The following SLC9A5 variants were observed in gnomAD, a reference collection of about 807,000 sequenced individuals.
SLC9A5 encodes solute carrier family 9 member A5.
Under a neutral mutation model 91.7 loss-of-function variants are expected in SLC9A5, and 52 were observed. The observed-to-expected ratio is 0.57, with a 90% CI of 0.45 to 0.71. The LOEUF is 0.71. SLC9A5 is among the 30% of genes least tolerant of loss of function. SLC9A5 has a pLI of 0.00. For synonymous variants in SLC9A5, 419 were observed against 474.5 expected (o/e 0.88, Z 1.52); for missense variants, 871 against 1,158.9 (o/e 0.75, Z 3.61).
In SLC9A5 at chr16:67,249,220, G is replaced by T; in HGVS notation, c.187+19G>T. Reference sequence around the variant, plus strand: ...AAAATCGGTGAGTGCGTGTGTGCGTGCGCCAGGCCGACCGCCAGCGGCGGA... The same window carrying T: ...AAAATCGGTGAGTGCGTGTGTGCGTTCGCCAGGCCGACCGCCAGCGGCGGA... On this transcript the variant is annotated intron_variant, in intron 1 of 15. Coordinates refer to ENST00000299798, the MANE Select transcript of SLC9A5 (RefSeq NM_004594.3). The T allele has an allele frequency of 7.1e-7, 1 of 1,406,618 alleles. No individual in the cohort carries two copies. Among genetic ancestry groups the T allele is most frequent in the Non-Finnish European group, 9.3e-7 (1 of 1,080,250 alleles). The allele number at this position is 1,406,618 out of a possible 1,614,324, so 87.1% of individuals were successfully genotyped here. A position where few individuals can be genotyped will look rare whatever the true frequency, so the allele number is the denominator to read the frequency against.
chr16:67,268,658 TTATATATATATATATATATATA>T (rs60054219), intron 15 of SLC9A5, among the ~76,000 whole-genome samples: 4,275 of 42,356 alleles, frequency 0.1, 316 homozygotes, highest in Non-Finnish European at 0.14. Context: ...ATTTCCCTGA[TTATATATATATATATATATATA>T]TATATATATA....
In SLC9A5 at chr16:67,266,855, T is replaced by TC. The variant is rs1398006537; in HGVS notation, c.2218+630_2218+631insC. ...CATGCCCGGCCTATTCTTTTCTTTTTTTTTTTTTTTTTAAATGCCATTCTT... is the reference window on the plus strand; with the variant it reads ...CATGCCCGGCCTATTCTTTTCTTTTTCTTTTTTTTTTTTAAATGCCATTCTT... On this transcript the variant is annotated intron_variant, in intron 15 of 15. Transcript: ENST00000299798. 2.7e-5 allele frequency among the ~76,000 whole-genome samples: 4 copies of TC among 150,544 alleles called. No individual in the cohort carries two copies. The East Asian group carries it at 5.8e-4, about 22-fold the overall frequency.
At position 67,265,074 on chromosome 16, in the gene SLC9A5, G is replaced by T. The variant is rs1179682186; in HGVS notation, c.2048G>T (p.Gly683Val). The T allele has an allele frequency of 1.2e-6, 2 of 1,614,104 alleles. No individual in the cohort carries two copies. Among genetic ancestry groups the T allele is most frequent in the East Asian group, 4.5e-5 (2 of 44,860 alleles). The change falls in exon 14 of 16, where the codon GGG becomes GTG. Residue 683 changes from glycine to valine, a missense_variant. By Grantham distance (109) the Gly-to-Val change is moderately radical (BLOSUM62 -3). Transcript: ENST00000299798. Reference sequence around the variant, plus strand: ...GTGGCGAATGCTGAGGCTACAAATGGGAAACATCGAGGCCTGGGCTTTCAG... The same window carrying T: ...GTGGCGAATGCTGAGGCTACAAATGTGAAACATCGAGGCCTGGGCTTTCAG... ...DGVANAEATN[G>V]KHRGLGFQDT...
Position 67,270,311 on chromosome 16 carries a change from G to A in SLC9A5, c.2219-427G>A, listed in dbSNP as rs1228938877. On this transcript the variant is annotated intron_variant, in intron 15 of 15. Transcript: ENST00000299798. The surrounding 1 kb of genome is among the most constrained non-coding windows in gnomAD (Gnocchi z 4.3). Reference sequence around the variant, plus strand: ...AGTGATTCTCTTGCCTCAGCCTCCCGAGTACCTGGGATTACAGGCGTGTGC... The same window carrying A: ...AGTGATTCTCTTGCCTCAGCCTCCCAAGTACCTGGGATTACAGGCGTGTGC... 6.6e-6 allele frequency among the ~76,000 whole-genome samples: 1 copy of A among 151,936 alleles called. No individual in the cohort carries two copies. The highest frequency in any genetic ancestry group is 1.5e-5 in the Non-Finnish European group (1 of 68,002).
intron 15 of SLC9A5, among the ~76,000 whole-genome samples, chr16:67,267,627 C>A (rs2035764761): frequency 6.6e-6 from 1 of 152,088 alleles, no homozygotes; most frequent in African/African-American, 2.4e-5. Flanking sequence ...AAGTAGATCC[C>A]CAGGTGAAGG....
intron 15 of SLC9A5, among the ~76,000 whole-genome samples, chr16:67,266,867 TA>T (rs2035727178): frequency 7.0e-6 from 1 of 142,734 alleles, no homozygotes; most frequent in African/African-American, 2.8e-5. Flanking sequence ...TTTTTTTTTT[TA>T]AATGCCATTC....
At chr16:67,265,319 C>T (rs959259363) in intron 14 of SLC9A5, among the ~76,000 whole-genome samples, 4 of 152,222 alleles carry the variant, frequency 2.6e-5, no homozygotes, top group Non-Finnish European at 4.4e-5. Flanking sequence ...CTATGGGTTA[C>T]AGGCCCCGAG....
chr16:67,270,692 T>A lies in SLC9A5; in HGVS notation c.2219-46T>A. The A allele has an allele frequency of 7.7e-7, 1 of 1,300,690 alleles. No individual in the cohort carries two copies. 80.6% of individuals were successfully genotyped at this position (1,300,690 alleles called of 1,614,324 possible). A position where few individuals can be genotyped will look rare whatever the true frequency, so the allele number is the denominator to read the frequency against. On this transcript the variant is annotated intron_variant, in intron 15 of 15. Coordinates refer to ENST00000299798, the MANE Select transcript of SLC9A5 (RefSeq NM_004594.3). The surrounding 1 kb of genome is among the most constrained non-coding windows in gnomAD (Gnocchi z 4.3). ...TATAAGAATGTGCTTATACTTGAGA[T>A]TTCCACTGTATTGGTAATGAGTTCA...
Position 67,255,908 on chromosome 16 carries a change from G to T in SLC9A5, c.889G>T (p.Ala297Ser), listed in dbSNP as rs892270644. ...CGCAGCCTACCTCACTGCTGAAATG[G>T]CCTCGCTCTCCGCCATTCTTGCGTG... ...AYAAYLTAEM[A>S]SLSAILAVTM... Residue 297 changes from alanine to serine, a missense_variant, in exon 5 of 16, where the codon GCC (alanine) becomes TCC (serine). Ala to Ser is a moderately conservative substitution (Grantham distance 99). Coordinates refer to ENST00000299798, the MANE Select transcript of SLC9A5 (RefSeq NM_004594.3). This position sits in a 1 kb window ranked among gnomAD's most constrained non-coding sequence, Gnocchi z 4.9. 1.2e-6 allele frequency: 2 copies of T among 1,613,632 alleles called. No individual in the cohort carries two copies. The highest frequency in any genetic ancestry group is 2.2e-5 in the South Asian group (2 of 90,906).
intron 12 of SLC9A5, chr16:67,261,149 G>A (rs911962655): frequency 7.2e-5 from 11 of 152,146 alleles, no homozygotes; most frequent in Non-Finnish European, 1.2e-4. Context: ...TCTAGCTGTG[G>A]CTGGCCAGGG....
intron 15 of SLC9A5, among the ~76,000 whole-genome samples, chr16:67,266,515 C>T (rs2035709834): frequency 6.6e-6 from 1 of 152,114 alleles, no homozygotes; most frequent in Non-Finnish European, 1.5e-5. Context: ...CCCAAGCCCA[C>T]AGCCTTTCTT....
At chr16:67,262,279 G>A (rs1297453246) in intron 12 of SLC9A5, 1 of 457,292 alleles carries the variant, frequency 2.2e-6, no homozygotes, top group African/African-American at 2.0e-5. Flanking sequence ...CATGGATCAA[G>A]CATTTTTGGG....
chr16:67,258,436 T>G lies in SLC9A5; in HGVS notation c.1615T>G (p.Phe539Val). Residue 539 changes from phenylalanine to valine, a missense_variant, in exon 10 of 16, where the codon TTT becomes GTT. By Grantham distance (50) the Phe-to-Val change is conservative (BLOSUM62 -1). Transcript: ENST00000299798. This position sits in a 1 kb window ranked among gnomAD's most constrained non-coding sequence, Gnocchi z 4.5. ...YRLNIRDAISFVDQGGHVLSS... is the reference protein window; with the variant it reads ...YRLNIRDAISVVDQGGHVLSS... ...GCTTAACATCCGGGATGCCATCAGCTTTGTGGACCAGGTGGGCCAGCAGCT... is the reference window on the plus strand; with the variant it reads ...GCTTAACATCCGGGATGCCATCAGCGTTGTGGACCAGGTGGGCCAGCAGCT... 1 of 1,614,112 alleles carries G rather than the reference T, an allele frequency of 6.2e-7. No homozygotes were observed. The highest frequency in any genetic ancestry group is 1.1e-5 in the South Asian group (1 of 91,084).
In SLC9A5 at chr16:67,258,558, T is replaced by G; in HGVS notation, c.1626+111T>G. 147 of 1,211,122 alleles carry G rather than the reference T, an allele frequency of 1.2e-4. No homozygotes were observed. The highest frequency in any genetic ancestry group is 1.6e-4 in the Non-Finnish European group (133 of 835,728). 75.0% of individuals were successfully genotyped at this position (1,211,122 alleles called of 1,614,324 possible). A position where few individuals can be genotyped will look rare whatever the true frequency, so the allele number is the denominator to read the frequency against. ...CCCTGAGCAGGGAGTTGGGAATTCC[T>G]AGCTGGCTCCATGGTCTGGTGAAGT... On this transcript the variant is annotated intron_variant, in intron 10 of 15. Coordinates refer to ENST00000299798, the MANE Select transcript of SLC9A5 (RefSeq NM_004594.3). This position sits in a 1 kb window ranked among gnomAD's most constrained non-coding sequence, Gnocchi z 4.5.
chr16:67,259,577 G>A lies in SLC9A5; in HGVS notation c.1631G>A (p.Gly544Asp). The A allele has an allele frequency of 6.2e-7, 1 of 1,613,896 alleles. No homozygotes were observed. Among genetic ancestry groups the A allele is most frequent in the African/African-American group, 1.3e-5 (1 of 74,990 alleles). Residue 544 changes from glycine to aspartate, a missense_variant, in exon 11 of 16, where the codon GGC becomes GAC. By Grantham distance (94) the Gly-to-Asp change is moderately conservative. This residue lies in a region of SLC9A5 where 454 missense variants were observed against 718.3 expected (regional missense o/e 0.63). Transcript: ENST00000299798. ...CCTTGGTCTTGACACCTGCAGGGAG[G>A]CCACGTCTTGTCTTCCACAGGTCTC... ...RDAISFVDQG[G>D]HVLSSTGLTL...
In SLC9A5 at chr16:67,252,753, T is replaced by C; in HGVS notation, c.399T>C (p.Gly133=). 3.1e-6 allele frequency: 5 copies of C among 1,614,188 alleles called. No homozygotes were observed. Among genetic ancestry groups the C allele is most frequent in the Non-Finnish European group, 4.2e-6 (5 of 1,180,036 alleles). ...GCAGGCTGTTCTTTGACAACTTGGG[T>C]GCCATCCTCACCTATGCCGTGGTAG... ...MPSRLFFDNL[G]AILTYAVVGT... is the part of the protein sequence containing the mutation. Residue 133 remains glycine (G), a synonymous_variant, in exon 2 of 16, where the codon GGT becomes GGC. Transcript: ENST00000299798. The surrounding 1 kb of genome is among the most constrained non-coding windows in gnomAD (Gnocchi z 4.0).
At position 67,265,042 on chromosome 16, in the gene SLC9A5, G is replaced by A; in HGVS notation, c.2016G>A (p.Lys672=). ...AGGTTTTCTTTCTTGGTCCTCAGAA[G>A]GATGGTGTGGCGAATGCTGAGGCTA... ...PRPRKTGRRK[K]DGVANAEATN... Residue 672 remains lysine (K), a splice_region_variant and synonymous_variant, in exon 14 of 16, where the codon AAG becomes AAA. Transcript: ENST00000299798. 6.2e-7 allele frequency: 1 copy of A among 1,614,180 alleles called. No homozygotes were observed.
At position 67,256,841 on chromosome 16, in the gene SLC9A5, C is replaced by G; in HGVS notation, c.1133-70C>G. The G allele has an allele frequency of 6.6e-7, 1 of 1,516,412 alleles. No individual in the cohort carries two copies. Among genetic ancestry groups the G allele is most frequent in the Non-Finnish European group, 9.1e-7 (1 of 1,098,802 alleles). 93.9% of individuals were successfully genotyped at this position (1,516,412 alleles called of 1,614,324 possible). ...CCCCTGTTAGACCTCAGCCCAGATA[C>G]TTGGTCCCATCCGGTCCCACGTCCT... On this transcript the variant is annotated intron_variant, in intron 6 of 15. Coordinates refer to ENST00000299798, the MANE Select transcript of SLC9A5 (RefSeq NM_004594.3). This position sits in a 1 kb window ranked among gnomAD's most constrained non-coding sequence, Gnocchi z 4.1.
At chr16:67,249,649 A>G (rs2035036369) in intron 1 of SLC9A5, among the ~76,000 whole-genome samples, 1 of 152,154 alleles carries the variant, frequency 6.6e-6, no homozygotes, top group Non-Finnish European at 1.5e-5. Context: ...CCTGGAGACC[A>G]TGTCCGAGTG....
Sources: gnomAD v4.1 joint callset for allele counts (sites outside exome capture counted in the v4.1 genomes callset) on GRCh38, gnomAD v4.1.1 for gene constraint, gnomAD v4.1.1 regional missense constraint, Gnocchi (gnomAD v3.1) non-coding constraint, MANE v1.5 for transcripts, NCBI Gene and HGNC (gene_info 2026-07-23, HGNC 2026-07-21) for gene names.